UHRF1: variants seen among roughly 807,000 people sequenced by gnomAD.
The protein encoded by UHRF1 is ubiquitin like with PHD and ring finger domains 1.
UHRF1 carries 9 observed loss-of-function variants against 96.5 expected under a neutral mutation model. The observed-to-expected ratio is 0.09, with a 90% CI of 0.06 to 0.16. The LOEUF (loss-of-function observed/expected upper bound fraction) is 0.16, where lower values mean the gene tolerates loss of function less well. Among genes scored for constraint, UHRF1 ranks in the 10% least tolerant of loss-of-function variants. UHRF1 has a pLI of 1.00. For synonymous variants in UHRF1, 455 were observed against 469.9 expected (o/e 0.97, Z 0.41); for missense variants, 626 against 1,131.1 (o/e 0.55, Z 6.40).
At chr19:4,910,759 C>G in intron 1 of UHRF1, 117 bp from the exon 2 acceptor site, 1 of 1,294,608 alleles carries the variant, frequency 7.7e-7, no homozygotes. Context: ...GGAAGGGCAT[C>G]CTGGGAGTTT....
rs367659315 is a variant in UHRF1 at position 4,944,106 on chromosome 19, G to T, written c.1074-26G>T. 9.9e-6 allele frequency: 16 copies of T among 1,612,260 alleles called. No individual in the cohort carries two copies. In the African/African-American group the frequency reaches 2.0e-4, roughly 20 times the overall value. On this transcript the variant is annotated intron_variant, in intron 7 of 16. Transcript: ENST00000650932. ...CTGAGACATCTGCCAGGCTAGGCGT[G>T]GGCAGTGACAATCCCGACCTCGCAG...
intron 11 of UHRF1, among the ~76,000 whole-genome samples, chr19:4,950,164 C>T (rs1413282573): frequency 6.6e-6 from 1 of 151,792 alleles, no homozygotes; most frequent in East Asian, 1.9e-4. Context: ...AGCCACGGCA[C>T]CTAGCAACCC....
rs540007869 is a variant in UHRF1, at chr19:4,947,294, G to A, written c.1517+83G>A. ...CTGTTTTGGGCCTCATGTCCAGCAAGTGATAGTCTCATTAGGAGCGTGGTA... is the reference window on the plus strand; with the variant it reads ...CTGTTTTGGGCCTCATGTCCAGCAAATGATAGTCTCATTAGGAGCGTGGTA... On this transcript the variant is annotated intron_variant, in intron 11 of 16. Coordinates refer to ENST00000650932, the MANE Select transcript of UHRF1 (RefSeq NM_001048201.3). 8 of 1,259,990 alleles carry A rather than the reference G, an allele frequency of 6.3e-6. No homozygotes were observed. The African/African-American group carries it at 1.2e-4, about 19-fold the overall frequency. The allele number at this position is 1,259,990 out of a possible 1,614,324, so 78.1% of individuals were successfully genotyped here. A position where few individuals can be genotyped will look rare whatever the true frequency, so the allele number is the denominator to read the frequency against.
In UHRF1 at chr19:4,930,946, C is replaced by T; in HGVS notation, c.569+70C>T. The T allele has an allele frequency of 2.5e-6, 4 of 1,583,676 alleles. No individual in the cohort carries two copies. Among genetic ancestry groups the T allele is most frequent in the Middle Eastern group, 1.9e-4 (1 of 5,242 alleles). ...ACGCGCATCCTTGGCTGCGGGTGTT[C>T]AGGCCAGAGCTTGGCACTGTCTCGA... On this transcript the variant is annotated intron_variant, in intron 4 of 16. Transcript: ENST00000650932. This position sits in a 1 kb window ranked among gnomAD's most constrained non-coding sequence, Gnocchi z 4.4.
At chr19:4,960,224 C>T (rs976014068) in intron 16 of UHRF1, among the ~76,000 whole-genome samples, 9 of 152,342 alleles carry the variant, frequency 5.9e-5, no homozygotes, top group African/African-American at 2.2e-4. Flanking sequence ...AGCCTCAAAG[C>T]TCAGGGAGCA....
intron 4 of UHRF1, 91 bp from the exon 5 acceptor site, chr19:4,932,650 C>A: frequency 7.1e-7 from 1 of 1,403,872 alleles, no homozygotes; most frequent in South Asian, 1.3e-5. Flanking sequence ...TGCACACTGT[C>A]GGGAGGGGCC....
At chr19:4,935,803 C>T (rs1427625681) in intron 5 of UHRF1, among the ~76,000 whole-genome samples, 5 of 152,096 alleles carry the variant, frequency 3.3e-5, no homozygotes, top group Non-Finnish European at 7.4e-5. Flanking sequence ...GGAGAAACGC[C>T]TACAAATGCG....
intron 2 of UHRF1, among the ~76,000 whole-genome samples, chr19:4,912,178 C>T (rs2032307161): frequency 6.6e-6 from 1 of 152,182 alleles, no homozygotes; most frequent in Non-Finnish European, 1.5e-5. Context: ...AGGAGGCGAT[C>T]TGGAGAACTT....
rs575948527 is a variant in UHRF1, at chr19:4,929,263, G to T, written c.195G>T (p.Leu65=). 1 of 1,613,962 alleles carries T rather than the reference G, an allele frequency of 6.2e-7. No individual in the cohort carries two copies. Among genetic ancestry groups the T allele is most frequent in the African/African-American group, 1.3e-5 (1 of 75,066 alleles). ...GHTLFDYEVR[L]NDTIQLLVRQ... ...CCCTCTTCGACTACGAGGTCCGCCT[G>T]AATGACACCATCCAGCTCCTGGTCC... The change falls in exon 3 of 17, where the codon CTG becomes CTT. Residue 65 remains leucine (L), a synonymous_variant. Transcript: ENST00000650932.
At chr19:4,912,176 A>C (rs2032307057) in intron 2 of UHRF1, among the ~76,000 whole-genome samples, 1 of 152,142 alleles carries the variant, frequency 6.6e-6, no homozygotes, top group Admixed American at 6.6e-5. Context: ...GGAGGAGGCG[A>C]TCTGGAGAAC....
intron 2 of UHRF1, among the ~76,000 whole-genome samples, chr19:4,911,954 A>G (rs184656137): frequency 1.4e-4 from 21 of 152,234 alleles, no homozygotes; most frequent in African/African-American, 5.1e-4. Context: ...TGAACCGGGT[A>G]CTGCTGCCAT....
chr19:4,926,927 G>C (rs765187311), intron 2 of UHRF1, among the ~76,000 whole-genome samples: 10 of 152,142 alleles, frequency 6.6e-5, no homozygotes, highest in Admixed American at 6.6e-4. Context: ...GCCGGGCTTG[G>C]TGGCGGGTGC....
chr19:4,935,480 C>T (rs559672043), intron 5 of UHRF1, among the ~76,000 whole-genome samples: 23 of 152,236 alleles, frequency 1.5e-4, no homozygotes, highest in African/African-American at 5.5e-4. Context: ...ACTCATACAA[C>T]CCCTTCCAAG....
At chr19:4,918,903 A>ATAGAGATGG (rs1478894582) in intron 2 of UHRF1, among the ~76,000 whole-genome samples, 1 of 151,030 alleles carries the variant, frequency 6.6e-6, no homozygotes, top group Non-Finnish European at 1.5e-5. Flanking sequence ...AAACATTTTT[A>ATAGAGATGG]TAGAGATGGG....
intron 13 of UHRF1, among the ~76,000 whole-genome samples, chr19:4,951,801 C>CAGGG (rs2033724987): frequency 1.3e-5 from 2 of 152,038 alleles, no homozygotes; most frequent in Non-Finnish European, 2.9e-5. Context: ...CCATCTCTCA[C>CAGGG]CTCCCTGTGG....
chr19:4,937,983 G>A (rs1352784489), intron 5 of UHRF1, among the ~76,000 whole-genome samples: 3 of 151,990 alleles, frequency 2.0e-5, no homozygotes, highest in Admixed American at 1.3e-4. Flanking sequence ...TGAAATCCCC[G>A]TCTCTACTAA....
chr19:4,939,483 A>C (rs1399499291), intron 5 of UHRF1, among the ~76,000 whole-genome samples: 2 of 151,888 alleles, frequency 1.3e-5, no homozygotes, highest in Non-Finnish European at 2.9e-5. Context: ...GGGCTGAAGC[A>C]ATTCTCCTGC....
Position 4,954,270 on chromosome 19 carries a change from G to T in UHRF1, c.1819-80G>T. 6.4e-7 allele frequency: 1 copy of T among 1,554,476 alleles called. No individual in the cohort carries two copies. Reference sequence around the variant, plus strand: ...AGGTGTGTCTGGAAACCCAGACCTGGCAAGGAGGCTGGAAGAGCGGGCTCT... The same window carrying T: ...AGGTGTGTCTGGAAACCCAGACCTGTCAAGGAGGCTGGAAGAGCGGGCTCT... On this transcript the variant is annotated intron_variant, in intron 13 of 16. Coordinates refer to ENST00000650932, the MANE Select transcript of UHRF1 (RefSeq NM_001048201.3). This position sits in a 1 kb window ranked among gnomAD's most constrained non-coding sequence, Gnocchi z 5.9.
intron 5 of UHRF1, among the ~76,000 whole-genome samples, chr19:4,934,290 T>C (rs2033153008): frequency 6.6e-6 from 1 of 152,142 alleles, no homozygotes; most frequent in Non-Finnish European, 1.5e-5. Flanking sequence ...CGCCTCAGCC[T>C]CCCACAGTGC....
Sources: gnomAD v4.1 joint callset for allele counts (sites outside exome capture counted in the v4.1 genomes callset) on GRCh38, gnomAD v4.1.1 for gene constraint, Gnocchi (gnomAD v3.1) non-coding constraint, MANE v1.5 for transcripts, NCBI Gene and HGNC (gene_info 2026-07-23, HGNC 2026-07-21) for gene names.